The following MCF2L2 variants were observed in gnomAD, a reference collection of about 807,000 sequenced individuals.
MCF2L2 encodes the protein MCF.2 cell line derived transforming sequence-like 2.
In MCF2L2, 102 loss-of-function variants were observed where a neutral mutation model predicts 150.2. The observed-to-expected ratio is 0.68, with a 90% confidence interval of 0.58 to 0.80. MCF2L2 has a LOEUF of 0.80. Ranked by LOEUF, MCF2L2 falls within the 30% of genes least tolerant of loss-of-function variation. The probability of loss-of-function intolerance (pLI) is 0.00; values close to 1 mark genes in which losing one functional copy is unlikely to be tolerated. For missense variants in MCF2L2, 1,256 were observed against 1,372.8 expected (o/e 0.91, Z 1.34); for synonymous variants, 465 against 491.3 (o/e 0.95, Z 0.71).
chr3:183,253,667 G>C (rs886807700), intron 15 of MCF2L2: 6 of 152,430 alleles, frequency 3.9e-5, no homozygotes, highest in African/African-American at 1.4e-4. Context: ...TAGAGCTCCC[G>C]CTCGGAAAGT....
chr3:183,322,428 C>G (rs1442258662), intron 6 of MCF2L2, among the ~76,000 whole-genome samples: 2 of 152,100 alleles, frequency 1.3e-5, no homozygotes, highest in African/African-American at 4.8e-5. Flanking sequence ...TCCCTGACGA[C>G]CCACCAGATA....
intron 20 of MCF2L2, among the ~76,000 whole-genome samples, chr3:183,222,420 C>T (rs1179051435): frequency 2.0e-5 from 3 of 152,060 alleles, no homozygotes; most frequent in African/African-American, 7.2e-5. Context: ...CATGGCGGCG[C>T]GTGCCTGTAA....
At chr3:183,403,227 G>A (rs1018616758) in intron 1 of MCF2L2, among the ~76,000 whole-genome samples, 12 of 152,062 alleles carry the variant, frequency 7.9e-5, no homozygotes, top group Admixed American at 6.6e-4. Context: ...AGCCGAGACT[G>A]CACCACTGCA....
intron 3 of MCF2L2, among the ~76,000 whole-genome samples, chr3:183,348,424 G>A (rs1346941082): frequency 6.6e-6 from 1 of 151,508 alleles, no homozygotes; most frequent in Non-Finnish European, 1.5e-5. Flanking sequence ...TCGGGTAGGG[G>A]GGGCGAGGGG....
At position 183,305,877 on chromosome 3, in the gene MCF2L2, C is replaced by T. The variant is rs763523753; in HGVS notation, c.1113+3839G>A. Among the ~76,000 whole-genome samples the T allele has an allele frequency of 2.6e-5, 4 of 152,140 alleles. No individual in the cohort carries two copies. Among genetic ancestry groups the T allele is most frequent in the African/African-American group, 4.8e-5 (2 of 41,430 alleles). On this transcript the variant is annotated intron_variant, in intron 10 of 29. Transcript: ENST00000328913. The surrounding 1 kb of genome is among the most constrained non-coding windows in gnomAD (Gnocchi z 4.1). ...AAAAAAGGGCAACTAAGGAGCAACC[C>T]GGATTCAGCCACCACATGGCTGGAA...
intron 1 of MCF2L2, among the ~76,000 whole-genome samples, chr3:183,422,301 C>T (rs1003066660): frequency 6.6e-6 from 1 of 152,200 alleles, no homozygotes; most frequent in African/African-American, 2.4e-5. Context: ...CTTTCCCACA[C>T]TCAGTTTTAG....
chr3:183,309,128 A>G (rs1729241709), intron 10 of MCF2L2, among the ~76,000 whole-genome samples: 1 of 152,218 alleles, frequency 6.6e-6, no homozygotes, highest in Non-Finnish European at 1.5e-5. Flanking sequence ...TGTAAAATAC[A>G]TATTCTTTTA....
chr3:183,371,189 C>T (rs140933328), intron 3 of MCF2L2, among the ~76,000 whole-genome samples: 51 of 152,326 alleles, frequency 3.3e-4, no homozygotes, highest in African/African-American at 1.2e-3. Flanking sequence ...CCAAAAGTAT[C>T]TGAGACAGGT....
chr3:183,311,090 T>G, intron 8 of MCF2L2, 61 bp from the exon 9 acceptor site: 1 of 999,314 alleles, frequency 1.0e-6, no homozygotes, highest in South Asian at 1.3e-5. Context: ...GGCATCCATA[T>G]AGGCCTATGG....
At chr3:183,356,662 G>T (rs185303142) in intron 3 of MCF2L2, among the ~76,000 whole-genome samples, 68 of 152,224 alleles carry the variant, frequency 4.5e-4, no homozygotes, top group African/African-American at 1.6e-3. Flanking sequence ...GTTAAACAGA[G>T]CTACCCAATT....
chr3:183,428,065 C>T lies in MCF2L2; in HGVS notation c.-88G>A. ...ATGATTTTTTAAAGGCATCTCCGCC[C>T]AAGGATGCTCTGCCCTCGCCCTCTT... is the stretch of plus-strand genomic sequence containing the variant. On this transcript the variant is annotated 5_prime_UTR_variant, in exon 1 of 30. Transcript: ENST00000328913. The surrounding 1 kb of genome is among the most constrained non-coding windows in gnomAD (Gnocchi z 5.1). 3 of 981,432 alleles carry T rather than the reference C, an allele frequency of 3.1e-6. No homozygotes were observed. The South Asian group carries it at 3.9e-5, about 13-fold the overall frequency. 60.8% of individuals were successfully genotyped at this position (981,432 alleles called of 1,614,324 possible).
chr3:183,383,448 G>A (rs1713652064), intron 2 of MCF2L2, among the ~76,000 whole-genome samples: 1 of 152,066 alleles, frequency 6.6e-6, no homozygotes, highest in Non-Finnish European at 1.5e-5. Flanking sequence ...TGGTCAGGCT[G>A]GTCTCTTAAC....
intron 1 of MCF2L2, among the ~76,000 whole-genome samples, chr3:183,402,436 A>C (rs944525233): frequency 7.4e-6 from 1 of 135,088 alleles, no homozygotes; most frequent in African/African-American, 2.7e-5. Flanking sequence ...CCTGGGCTAC[A>C]GAGCGAGACT....
chr3:183,212,050 C>T (rs761273145), intron 22 of MCF2L2, among the ~76,000 whole-genome samples: 13 of 152,134 alleles, frequency 8.5e-5, no homozygotes, highest in Non-Finnish European at 1.9e-4. Flanking sequence ...TGGAGACGCA[C>T]GCTGAGGGAA....
Position 183,338,907 on chromosome 3 carries a change from C to A in MCF2L2, c.379G>T (p.Gly127Ter). The change falls in exon 5 of 30, where the codon GGA (glycine) becomes TGA (stop). Residue 127 changes from glycine to a stop codon, truncating the protein, a stop_gained. Transcript: ENST00000328913. LOFTEE classifies it high-confidence loss of function. ...SLTRIAVAFP[G>*]NLQLIFILRP... is the part of the protein sequence containing the mutation. ...AGGATGAATATGAGCTGTAAGTTTC[C>A]TGGAAATGCCACCTGCAAGCATCAG... 1 of 1,597,722 alleles carries A rather than the reference C, an allele frequency of 6.3e-7. No individual in the cohort carries two copies. Among genetic ancestry groups the A allele is most frequent in the Non-Finnish European group, 8.6e-7 (1 of 1,168,464 alleles).
intron 3 of MCF2L2, among the ~76,000 whole-genome samples, chr3:183,366,109 G>A (rs1712506579): frequency 6.6e-6 from 1 of 152,022 alleles, no homozygotes; most frequent in Admixed American, 6.6e-5. Context: ...AGGTTTGAAG[G>A]CCCAGGAGAA....
intron 26 of MCF2L2, among the ~76,000 whole-genome samples, chr3:183,193,938 C>A (rs1475419517): frequency 6.6e-6 from 1 of 152,154 alleles, no homozygotes; most frequent in African/African-American, 2.4e-5. Flanking sequence ...ATTTACTGAG[C>A]ACCTACAAAA....
chr3:183,242,203 G>A (rs1455916858), intron 15 of MCF2L2, among the ~76,000 whole-genome samples: 4 of 152,190 alleles, frequency 2.6e-5, no homozygotes, highest in African/African-American at 7.2e-5. Context: ...CAGAAAATTG[G>A]CAGCCTGATG....
At chr3:183,364,134 A>G (rs1316587125) in intron 3 of MCF2L2, among the ~76,000 whole-genome samples, 1 of 152,258 alleles carries the variant, frequency 6.6e-6, no homozygotes, top group Non-Finnish European at 1.5e-5. Flanking sequence ...CATTTATATC[A>G]TCAAGATAAA....
Sources: gnomAD v4.1 joint callset for allele counts (sites outside exome capture counted in the v4.1 genomes callset) on GRCh38, gnomAD v4.1.1 for gene constraint, Gnocchi (gnomAD v3.1) non-coding constraint, MANE v1.5 for transcripts, NCBI Gene and HGNC (gene_info 2026-07-23, HGNC 2026-07-21) for gene names.